GRM3: variants seen among roughly 807,000 people sequenced by gnomAD.
GRM3 encodes the protein glutamate metabotropic receptor 3, also known as metabotropic glutamate receptor 3.
A neutral mutation model predicts 70.5 loss-of-function variants in GRM3; 26 were observed. The ratio of observed to expected loss-of-function variants is 0.37; its 90% CI spans 0.27 to 0.51. GRM3 has a LOEUF of 0.51. Among genes scored for constraint, GRM3 ranks in the 20% least tolerant of loss-of-function variants. The pLI is 0.93. For missense variants in GRM3, 859 were observed against 1,123.8 expected, an observed-to-expected ratio of 0.76 and a Z score of 3.37; for synonymous variants, 443 against 434.9, an observed-to-expected ratio of 1.02 and a Z score of -0.23.
At chr7:86,858,255 C>G (rs1299541779) in intron 5 of GRM3, among the ~76,000 whole-genome samples, 1 of 152,074 alleles carries the variant, frequency 6.6e-6, no homozygotes, top group Non-Finnish European at 1.5e-5. Flanking sequence ...CATGCCTGGC[C>G]AAGAACATGA....
At chr7:86,790,955 T>C (rs1044727044) in intron 3 of GRM3, among the ~76,000 whole-genome samples, 4 of 152,154 alleles carry the variant, frequency 2.6e-5, no homozygotes, top group Non-Finnish European at 5.9e-5. Flanking sequence ...TCTGTCATAC[T>C]ACATCATCTA....
At chr7:86,689,250 C>G (rs1794641013) in intron 1 of GRM3, among the ~76,000 whole-genome samples, 1 of 151,644 alleles carries the variant, frequency 6.6e-6, no homozygotes, top group Non-Finnish European at 1.5e-5. Flanking sequence ...GGAAGCTACA[C>G]TATATAGCTA....
intron 1 of GRM3, among the ~76,000 whole-genome samples, chr7:86,758,941 T>G (rs1253140815): frequency 6.6e-6 from 1 of 152,124 alleles, no homozygotes; most frequent in Non-Finnish European, 1.5e-5. Context: ...ATTTTATCTA[T>G]TAATAAAATA....
At chr7:86,744,117 G>A (rs886254933) in intron 1 of GRM3, among the ~76,000 whole-genome samples, 2 of 151,930 alleles carry the variant, frequency 1.3e-5, no homozygotes, top group African/African-American at 2.4e-5. Flanking sequence ...TCCACTATAC[G>A]AAGCATCCCA....
intron 5 of GRM3, among the ~76,000 whole-genome samples, chr7:86,856,113 C>G (rs1210241567): frequency 1.3e-5 from 2 of 152,110 alleles, no homozygotes; most frequent in Non-Finnish European, 2.9e-5. Flanking sequence ...AGCATCTAAA[C>G]CAGATAAATG....
chr7:86,685,851 G>A (rs930439961), intron 1 of GRM3, among the ~76,000 whole-genome samples: 2 of 147,560 alleles, frequency 1.4e-5, no homozygotes, highest in Admixed American at 6.8e-5. Flanking sequence ...GCTGCAGTGA[G>A]CCGAGATCGC....
At chr7:86,711,552 C>T (rs987777457) in intron 1 of GRM3, among the ~76,000 whole-genome samples, 2 of 152,070 alleles carry the variant, frequency 1.3e-5, no homozygotes, top group African/African-American at 2.4e-5. Flanking sequence ...TTACCCTATT[C>T]GTGATCATTG....
At chr7:86,724,116 C>T (rs758532861) in intron 1 of GRM3, among the ~76,000 whole-genome samples, 2 of 152,124 alleles carry the variant, frequency 1.3e-5, no homozygotes, top group Admixed American at 6.6e-5. Context: ...TTTCAATTAA[C>T]GCTTTCCAAT....
chr7:86,777,896 T>C (rs928214094), intron 2 of GRM3, among the ~76,000 whole-genome samples: 1 of 152,108 alleles, frequency 6.6e-6, no homozygotes, highest in Non-Finnish European at 1.5e-5. Flanking sequence ...GACACTGAGG[T>C]CTCTAAACAT....
chr7:86,833,196 T>G, intron 3 of GRM3: 1 of 548,444 alleles, frequency 1.8e-6, no homozygotes, highest in East Asian at 1.6e-4. Context: ...AATTGAACAA[T>G]GAGAACACAT....
rs114292204 is a variant in GRM3, at chr7:86,812,974, T to C, written c.1324+25858T>C. Among the ~76,000 whole-genome samples the C allele has an allele frequency of 4.0e-3, 607 of 151,872 alleles. 5 individuals carry two copies. Among genetic ancestry groups the C allele is most frequent in the African/African-American group, 0.014 (582 of 41,500 alleles). Reference sequence around the variant, plus strand: ...ATGAGTTGGCCTATTTGGAGGGCACTACACTTAAATTTTTATTTTCCTTTA... The same window carrying C: ...ATGAGTTGGCCTATTTGGAGGGCACCACACTTAAATTTTTATTTTCCTTTA... On this transcript the variant is annotated intron_variant, in intron 3 of 5. Transcript: ENST00000361669.
chr7:86,786,538 G>A lies in GRM3; in HGVS notation c.746G>A (p.Arg249His), dbSNP rs756902604. 1 of 1,614,012 alleles carries A rather than the reference G, an allele frequency of 6.2e-7. No individual in the cohort carries two copies. Among genetic ancestry groups the A allele is most frequent in the Non-Finnish European group, 8.5e-7 (1 of 1,180,046 alleles). The part of the protein sequence containing the change: ...ICIATAEKVG[R>H]SNIRKSYDSV... ...ATCGCTACGGCGGAGAAGGTGGGCC[G>A]CTCCAACATCCGCAAGTCCTACGAC... The change falls in exon 3 of 6, where the codon CGC becomes CAC. Residue 249 changes from arginine (R) to histidine (H), a missense_variant. Physicochemically the swap from Arg to His is conservative, Grantham distance 29. Transcript: ENST00000361669. This position sits in a 1 kb window ranked among gnomAD's most constrained non-coding sequence, Gnocchi z 6.0.
chr7:86,831,403 G>T (rs1463443626), intron 3 of GRM3, among the ~76,000 whole-genome samples: 2 of 152,146 alleles, frequency 1.3e-5, no homozygotes, highest in Non-Finnish European at 2.9e-5. Context: ...ACTGTGTAAT[G>T]AAGAGGGCAA....
intron 3 of GRM3, among the ~76,000 whole-genome samples, chr7:86,833,728 G>A (rs1055483538): frequency 6.6e-6 from 1 of 152,032 alleles, no homozygotes; most frequent in Non-Finnish European, 1.5e-5. Context: ...TTTTCTTCTT[G>A]GTTCTTATTT....
intron 1 of GRM3, among the ~76,000 whole-genome samples, chr7:86,689,165 A>G (rs1794638364): frequency 6.6e-6 from 1 of 151,654 alleles, no homozygotes; most frequent in Non-Finnish European, 1.5e-5. Context: ...ATAATGTAAC[A>G]CTGAAGAGTA....
intron 5 of GRM3, among the ~76,000 whole-genome samples, chr7:86,858,620 T>C (rs899879816): frequency 6.6e-6 from 1 of 152,212 alleles, no homozygotes; most frequent in African/African-American, 2.4e-5. Flanking sequence ...GCTAAATAAA[T>C]GTCTATTCTT....
chr7:86,782,753 G>A (rs974179671), intron 2 of GRM3, among the ~76,000 whole-genome samples: 11 of 152,134 alleles, frequency 7.2e-5, no homozygotes, highest in Admixed American at 5.9e-4. Context: ...ATTCTTTAGA[G>A]TTTTCATCTT....
intron 3 of GRM3, among the ~76,000 whole-genome samples, chr7:86,821,861 C>T (rs1014973511): frequency 3.3e-5 from 5 of 152,178 alleles, no homozygotes; most frequent in African/African-American, 1.2e-4. Context: ...AAAATCGTTC[C>T]CTTCATAATT....
intron 1 of GRM3, among the ~76,000 whole-genome samples, chr7:86,739,888 C>T (rs1022125392): frequency 1.3e-5 from 2 of 152,166 alleles, no homozygotes; most frequent in African/African-American, 4.8e-5. Context: ...CTTACTGATC[C>T]TCATTTTTTC....
Sources: allele counts gnomAD v4.1 joint callset (sites outside exome capture counted in the v4.1 genomes callset), GRCh38; gene constraint gnomAD v4.1.1; non-coding constraint Gnocchi (gnomAD v3.1); transcripts MANE v1.5; gene names NCBI Gene and HGNC (gene_info 2026-07-23, HGNC 2026-07-21).